Variants in CNTNAP2 observed in about 807,000 individuals in gnomAD.
CNTNAP2 encodes contactin associated protein 2.
In CNTNAP2, 98 loss-of-function variants were observed where a neutral mutation model predicts 155.2. The observed-to-expected ratio is 0.63, with a 90% CI of 0.54 to 0.75. The LOEUF (loss-of-function observed/expected upper bound fraction) is 0.75. Among genes scored for constraint, CNTNAP2 ranks in the 30% least tolerant of loss-of-function variants. The probability of loss-of-function intolerance (pLI) is 0.00; values close to 1 mark genes in which losing one functional copy is unlikely to be tolerated. For synonymous variants in CNTNAP2, 651 were observed against 631.2 expected (o/e 1.03, Z -0.47); for missense variants, 1,727 against 1,688.1 (o/e 1.02, Z -0.40).
intron 3 of CNTNAP2, among the ~76,000 whole-genome samples, chr7:146,956,051 C>T (rs1253018724): frequency 2.0e-5 from 3 of 151,230 alleles, no homozygotes; most frequent in African/African-American, 7.3e-5. Context: ...AATCCTAGCA[C>T]AAATGATTTT....
At chr7:146,138,033 C>T (rs1797822307) in intron 1 of CNTNAP2, among the ~76,000 whole-genome samples, 1 of 151,782 alleles carries the variant, frequency 6.6e-6, no homozygotes, top group Non-Finnish European at 1.5e-5. Context: ...TTGGTTTTTG[C>T]AAACTACATT....
rs375401612 is a variant in CNTNAP2 at position 146,502,908 on chromosome 7, A to C, written c.98-271363A>C. 1.6e-4 allele frequency among the ~76,000 whole-genome samples: 25 copies of C among 152,250 alleles called. No homozygotes were observed. The East Asian group carries it at 4.5e-3, about 27-fold the overall frequency. ...GGGATTACAGGCAAGAGCCGCCTCA[A>C]ACTGCCATCATTGTGATTTTGATTT... On this transcript the variant is annotated intron_variant, in intron 1 of 23. Transcript: ENST00000361727.
intron 10 of CNTNAP2, among the ~76,000 whole-genome samples, chr7:147,461,349 C>T (rs1259800472): frequency 2.0e-5 from 3 of 152,056 alleles, no homozygotes; most frequent in South Asian, 2.1e-4. Context: ...TCAAAAAATG[C>T]TAATGCTGTA....
At chr7:148,027,601 C>T (rs1457547518) in intron 15 of CNTNAP2, among the ~76,000 whole-genome samples, 2 of 152,150 alleles carry the variant, frequency 1.3e-5, no homozygotes, top group Non-Finnish European at 2.9e-5. Context: ...GATTTTTAGT[C>T]TCCACTCCAA....
At chr7:146,429,167 G>T (rs775858977) in intron 1 of CNTNAP2, among the ~76,000 whole-genome samples, 7 of 152,026 alleles carry the variant, frequency 4.6e-5, no homozygotes, top group Non-Finnish European at 1.0e-4. Flanking sequence ...GTATTGTGAT[G>T]CCTCCATCAT....
At chr7:146,739,845 C>T (rs1254927889) in intron 1 of CNTNAP2, among the ~76,000 whole-genome samples, 1 of 151,948 alleles carries the variant, frequency 6.6e-6, no homozygotes, top group Admixed American at 6.6e-5. Flanking sequence ...TACGTATTTA[C>T]AATTGTTATA....
chr7:146,540,526 G>A (rs558695043), intron 1 of CNTNAP2, among the ~76,000 whole-genome samples: 74 of 152,164 alleles, frequency 4.9e-4, no homozygotes, highest in African/African-American at 1.7e-3. Context: ...GGCTATGCAA[G>A]ACTGCAGAAG....
chr7:147,883,612 G>T (rs17827310), intron 13 of CNTNAP2, among the ~76,000 whole-genome samples: 40,370 of 152,076 alleles, frequency 0.27, 6,243 homozygotes, highest in Middle Eastern at 0.4. Context: ...ACTGACACTG[G>T]GAGAAACTGA....
In CNTNAP2 at chr7:147,808,247, G is replaced by A. The variant is rs851665; in HGVS notation, c.2099-95318G>A. On this transcript the variant is annotated intron_variant, in intron 13 of 23. Coordinates refer to ENST00000361727, the MANE Select transcript of CNTNAP2 (RefSeq NM_014141.6). ...CTGAGAGCCAGGAAAGTGAAAGCAG[G>A]AACTGCTGGGACCCATAACATCGAG... is the stretch of plus-strand genomic sequence containing the variant. 4.1e-3 allele frequency among the ~76,000 whole-genome samples: 617 copies of A among 152,246 alleles called. 2 individuals carry two copies. The highest frequency in any genetic ancestry group is 0.014 in the African/African-American group (586 of 41,532).
intron 9 of CNTNAP2, among the ~76,000 whole-genome samples, chr7:147,380,613 G>A (rs968645101): frequency 6.6e-6 from 1 of 151,996 alleles, no homozygotes; most frequent in African/African-American, 2.4e-5. Context: ...AAAGGCAAGA[G>A]CCCACGCTAC....
intron 8 of CNTNAP2, among the ~76,000 whole-genome samples, chr7:147,269,098 G>A (rs191121635): frequency 2.2e-4 from 33 of 152,160 alleles, no homozygotes; most frequent in African/African-American, 5.3e-4. Flanking sequence ...TTCCTTAGAC[G>A]AGAACTCCTA....
At chr7:147,771,496 C>T (rs1200990072) in intron 13 of CNTNAP2, among the ~76,000 whole-genome samples, 2 of 152,196 alleles carry the variant, frequency 1.3e-5, no homozygotes, top group South Asian at 2.1e-4. Context: ...GGCAGGGAGG[C>T]TACAGCTGCA....
intron 8 of CNTNAP2, among the ~76,000 whole-genome samples, chr7:147,138,950 T>G (rs1801544032): frequency 6.6e-6 from 1 of 151,922 alleles, no homozygotes; most frequent in Admixed American, 6.6e-5. Context: ...AAGCTTCAGT[T>G]TACTGTACAA....
intron 15 of CNTNAP2, among the ~76,000 whole-genome samples, chr7:148,099,462 G>T: frequency 9.3e-6 from 1 of 107,204 alleles, no homozygotes; most frequent in African/African-American, 5.2e-5. Context: ...TGTGTGTGTT[G>T]GATATGGGCA....
At chr7:147,164,613 G>A (rs147038705) in intron 8 of CNTNAP2, among the ~76,000 whole-genome samples, 1,646 of 152,256 alleles carry the variant, frequency 0.011, 27 homozygotes, top group African/African-American at 0.036. Context: ...AGAATTGTAA[G>A]CGAAATTTAA....
rs371687658 is a variant in CNTNAP2 at position 146,735,517 on chromosome 7, T to C, written c.98-38754T>C. On this transcript the variant is annotated intron_variant, in intron 1 of 23. Coordinates refer to ENST00000361727, the MANE Select transcript of CNTNAP2 (RefSeq NM_014141.6). ...TTGCAGTGAGCCGAGATAGCGCCAC[T>C]GCACTCCAGCCTGGGCAACAGAGCA... Among the ~76,000 whole-genome samples, 767 of 152,190 alleles carry C rather than the reference T, an allele frequency of 5.0e-3. 4 individuals are homozygous for C. Among genetic ancestry groups the C allele is most frequent in the African/African-American group, 0.018 (727 of 41,518 alleles).
chr7:146,767,179 C>T (rs939213675), intron 1 of CNTNAP2, among the ~76,000 whole-genome samples: 1 of 152,060 alleles, frequency 6.6e-6, no homozygotes, highest in Admixed American at 6.6e-5. Flanking sequence ...AATTAATTCT[C>T]AATGCAATTT....
In CNTNAP2 at chr7:147,692,673, G is replaced by A. The variant is rs143503586; in HGVS notation, c.2098+53367G>A. Among the ~76,000 whole-genome samples, 263 of 152,054 alleles carry A rather than the reference G, an allele frequency of 1.7e-3. 1 individual carries two copies. Among genetic ancestry groups the A allele is most frequent in the African/African-American group, 5.9e-3 (245 of 41,508 alleles). On this transcript the variant is annotated intron_variant, in intron 13 of 23. Transcript: ENST00000361727. ...TTTAATGAAGTAGCTGTTAAGATAC[G>A]GACCATTTTTAATTGAGTTGTTTTC...
intron 22 of CNTNAP2, among the ~76,000 whole-genome samples, chr7:148,406,004 C>A (rs184954193): frequency 6.6e-6 from 1 of 151,838 alleles, no homozygotes. Flanking sequence ...AGGCCAAGAC[C>A]GGCAGATCAC....
Sources: gnomAD v4.1 joint callset for allele counts (sites outside exome capture counted in the v4.1 genomes callset) on GRCh38, gnomAD v4.1.1 for gene constraint, MANE v1.5 for transcripts, NCBI Gene and HGNC (gene_info 2026-07-23, HGNC 2026-07-21) for gene names.